Variants in PRDM5 observed in about 807,000 individuals in gnomAD.
PRDM5 encodes PR/SET domain 5.
PRDM5 carries 56 observed loss-of-function variants against 81.2 expected under a neutral mutation model. The observed-to-expected ratio is 0.69, with a 90% confidence interval of 0.56 to 0.86. The LOEUF is 0.86. Ranked by LOEUF, PRDM5 falls within the 40% of genes least tolerant of loss-of-function variation. PRDM5 has a pLI of 0.00. For missense variants in PRDM5, 697 were observed against 770.1 expected (o/e 0.91, Z 1.12); for synonymous variants, 267 against 256.4 (o/e 1.04, Z -0.39).
chr4:120,781,152 A>T lies in PRDM5; in HGVS notation c.1434T>A (p.Ser478Arg). 1 of 1,613,136 alleles carries T rather than the reference A, an allele frequency of 6.2e-7. No homozygotes were observed. The highest frequency in any genetic ancestry group is 1.1e-5 in the South Asian group (1 of 91,058). ...GAAGACTTCCACTTACTTTCTTATGACTTCTAAGCACTGAAGGTGTAACAA... is the reference window on the plus strand; with the variant it reads ...GAAGACTTCCACTTACTTTCTTATGTCTTCTAAGCACTGAAGGTGTAACAA... The part of the protein sequence containing the change: ...KAFVTPSVLR[S>R]HKKTHTGEKE... Residue 478 changes from serine to arginine, a missense_variant, in exon 12 of 16, where the codon AGT becomes AGA. Ser to Arg is a moderately radical substitution (Grantham distance 110). This residue lies in a region of PRDM5 where 577 missense variants were observed against 606.7 expected (regional missense o/e 0.95). Transcript: ENST00000264808.
intron 14 of PRDM5, among the ~76,000 whole-genome samples, chr4:120,748,186 A>T (rs912222640): frequency 3.9e-5 from 6 of 152,170 alleles, no homozygotes; most frequent in African/African-American, 1.4e-4. Flanking sequence ...GCATTTCTCT[A>T]CCTCAGTGTA....
chr4:120,792,630 G>A (rs1030683933), intron 10 of PRDM5, among the ~76,000 whole-genome samples: 4 of 152,058 alleles, frequency 2.6e-5, no homozygotes, highest in Non-Finnish European at 5.9e-5. Flanking sequence ...GGTTCATTGC[G>A]TAAAAGCCAG....
chr4:120,758,482 T>C (rs1199296193), intron 13 of PRDM5, among the ~76,000 whole-genome samples: 1 of 152,082 alleles, frequency 6.6e-6, no homozygotes, highest in East Asian at 1.9e-4. Flanking sequence ...ATTGATGTCC[T>C]CATAAAAAGA....
chr4:120,866,106 G>A (rs1402110109), intron 2 of PRDM5, among the ~76,000 whole-genome samples: 1 of 152,138 alleles, frequency 6.6e-6, no homozygotes, highest in African/African-American at 2.4e-5. Context: ...TACCAATGCT[G>A]TTTGCCAGAA....
chr4:120,691,442 G>T (rs1428724249), downstream of PRDM5, among the ~76,000 whole-genome samples: 1 of 151,968 alleles, frequency 6.6e-6, no homozygotes, highest in Non-Finnish European at 1.5e-5. Context: ...ATTATTTTTT[G>T]TATCAAGAAA....
At chr4:120,916,686 C>T (rs1033284225) in intron 1 of PRDM5, among the ~76,000 whole-genome samples, 2 of 152,156 alleles carry the variant, frequency 1.3e-5, no homozygotes, top group Non-Finnish European at 2.9e-5. Context: ...AAACTGAACC[C>T]GTGATCTGCC....
At chr4:120,717,763 T>A (rs1305724262) in intron 14 of PRDM5, among the ~76,000 whole-genome samples, 1 of 152,154 alleles carries the variant, frequency 6.6e-6, no homozygotes, top group Non-Finnish European at 1.5e-5. Context: ...AGGTGGATGA[T>A]CCACATACAG....
intron 14 of PRDM5, among the ~76,000 whole-genome samples, chr4:120,724,928 C>T (rs1457708694): frequency 1.3e-5 from 2 of 152,106 alleles, no homozygotes; most frequent in Middle Eastern, 3.2e-3. Flanking sequence ...CAACACCGCA[C>T]AGATGCAAGG....
intron 2 of PRDM5, among the ~76,000 whole-genome samples, chr4:120,875,254 A>T (rs942579980): frequency 6.6e-6 from 1 of 152,264 alleles, no homozygotes; most frequent in African/African-American, 2.4e-5. Flanking sequence ...CCACACAAAT[A>T]CAGATTAAAA....
chr4:120,685,083 T>C (rs1448382567), intron 1 of PRDM5: 1 of 152,056 alleles, frequency 6.6e-6, no homozygotes, highest in Non-Finnish European at 1.5e-5. Flanking sequence ...AATTTGTGGT[T>C]TTTGATGTAA....
intron 5 of PRDM5, among the ~76,000 whole-genome samples, chr4:120,817,236 C>T (rs951179453): frequency 4.0e-5 from 6 of 151,744 alleles, no homozygotes; most frequent in African/African-American, 1.5e-4. Flanking sequence ...TAGTATCCTG[C>T]TATTATAAAA....
chr4:120,809,409 A>G (rs1753518395), intron 8 of PRDM5, among the ~76,000 whole-genome samples: 1 of 152,138 alleles, frequency 6.6e-6, no homozygotes, highest in Non-Finnish European at 1.5e-5. Flanking sequence ...ATACTTTTAA[A>G]AAAAACAAAA....
At chr4:120,853,354 C>T in intron 3 of PRDM5, 64 bp downstream of exon 3, 1 of 1,605,320 alleles carries the variant, frequency 6.2e-7, no homozygotes, top group East Asian at 2.2e-5. Flanking sequence ...ACAGGGAGTA[C>T]AGTCATATAT....
intron 3 of PRDM5, among the ~76,000 whole-genome samples, chr4:120,828,400 T>C (rs1756304389): frequency 6.6e-6 from 1 of 151,928 alleles, no homozygotes; most frequent in Non-Finnish European, 1.5e-5. Flanking sequence ...GGCTCAGAGA[T>C]GAAAAATAAA....
intron 3 of PRDM5, among the ~76,000 whole-genome samples, chr4:120,827,235 T>C (rs900020380): frequency 8.5e-5 from 13 of 152,300 alleles, no homozygotes; most frequent in African/African-American, 3.1e-4. Flanking sequence ...CTGGTCATTT[T>C]GGTAACATCA....
intron 2 of PRDM5, among the ~76,000 whole-genome samples, chr4:120,891,760 C>A (rs1764073263): frequency 1.3e-5 from 2 of 151,926 alleles, no homozygotes; most frequent in Non-Finnish European, 2.9e-5. Context: ...CTCCCAAATA[C>A]CTGGGATTAC....
Position 120,746,432 on chromosome 4 carries a change from T to C in PRDM5, c.1623+8121A>G, listed in dbSNP as rs1331812294. On this transcript the variant is annotated intron_variant, in intron 14 of 15. Transcript: ENST00000264808. ...GGCAACAAAAGCCAAAATGGACAAA[T>C]GGGATCTAATTAAACTAAAGAGCTT... 3.7e-3 allele frequency among the ~76,000 whole-genome samples: 543 copies of C among 144,928 alleles called. 4 individuals are homozygous for C. The highest frequency in any genetic ancestry group is 0.013 in the African/African-American group (520 of 39,328).
chr4:120,706,307 G>T (rs1390083667), intron 15 of PRDM5, among the ~76,000 whole-genome samples: 4 of 152,102 alleles, frequency 2.6e-5, no homozygotes, highest in Non-Finnish European at 5.9e-5. Flanking sequence ...GAGAATATAT[G>T]CAAACCATGG....
intron 14 of PRDM5, among the ~76,000 whole-genome samples, chr4:120,740,333 T>C (rs1561038920): frequency 6.6e-6 from 1 of 152,234 alleles, no homozygotes; most frequent in Non-Finnish European, 1.5e-5. Context: ...AAACTATTCT[T>C]AAAAGTTATT....
Sources: allele counts gnomAD v4.1 joint callset (sites outside exome capture counted in the v4.1 genomes callset), GRCh38; gene constraint gnomAD v4.1.1; regional missense constraint gnomAD v4.1.1; transcripts MANE v1.5; gene names NCBI Gene and HGNC (gene_info 2026-07-23, HGNC 2026-07-21).